Variants in INPP4B observed in about 807,000 individuals in gnomAD.
INPP4B encodes the protein inositol polyphosphate 4-phosphatase type II.
INPP4B carries 55 observed loss-of-function variants against 122.5 expected under a neutral mutation model. That is an observed-to-expected ratio of 0.45 (90% CI 0.36 to 0.56). The LOEUF is 0.56. Ranked by LOEUF, INPP4B falls within the 20% of genes least tolerant of loss-of-function variation. The pLI, the probability that INPP4B is intolerant of heterozygous loss-of-function variation, is 0.00. For synonymous variants in INPP4B, 403 were observed against 388.7 expected (o/e 1.04, Z -0.43); for missense variants, 1,000 against 1,097.7 (o/e 0.91, Z 1.26).
intron 11 of INPP4B, among the ~76,000 whole-genome samples, chr4:142,258,298 G>T (rs1737597000): frequency 6.6e-6 from 1 of 152,018 alleles, no homozygotes; most frequent in African/African-American, 2.4e-5. Context: ...CATGGGCAAG[G>T]ACTTCATGTC....
intron 22 of INPP4B, among the ~76,000 whole-genome samples, chr4:142,108,725 T>C (rs1224986097): frequency 6.6e-6 from 1 of 152,130 alleles, no homozygotes; most frequent in Non-Finnish European, 1.5e-5. Flanking sequence ...TTTTCGTTCA[T>C]ACCATGAAGT....
chr4:142,097,365 C>G (rs1324980141), intron 23 of INPP4B, among the ~76,000 whole-genome samples: 1 of 151,886 alleles, frequency 6.6e-6, no homozygotes, highest in Non-Finnish European at 1.5e-5. Context: ...AGCAATTATC[C>G]TGCCTCAGTC....
At position 142,112,590 on chromosome 4, in the gene INPP4B, G is replaced by A; in HGVS notation, c.2228C>T (p.Pro743Leu). The A allele has an allele frequency of 6.2e-7, 1 of 1,613,206 alleles. No individual in the cohort carries two copies. The highest frequency in any genetic ancestry group is 8.5e-7 in the Non-Finnish European group (1 of 1,179,458). ...ATTGATTCCAACATTAAAAAGTACT[G>A]GATACACATGAAGCAACTGTCCTTC... is the stretch of plus-strand genomic sequence containing the variant. The part of the protein sequence containing the change: ...IKEGQLLHVY[P>L]VLFNVGINEQ... Residue 743 changes from proline to leucine, a missense_variant, in exon 22 of 26, where the codon CCA (proline) becomes CTA (leucine). Coordinates refer to ENST00000262992, the MANE Select transcript of INPP4B (RefSeq NM_001101669.3).
At chr4:142,575,093 G>T (rs537570319) in intron 2 of INPP4B, among the ~76,000 whole-genome samples, 1 of 151,998 alleles carries the variant, frequency 6.6e-6, no homozygotes, top group African/African-American at 2.4e-5. Context: ...TATAAGGATC[G>T]AAAGAAGGAA....
At chr4:142,165,978 T>C (rs1822523886) in intron 16 of INPP4B, among the ~76,000 whole-genome samples, 1 of 151,726 alleles carries the variant, frequency 6.6e-6, no homozygotes, top group South Asian at 2.1e-4. Context: ...TAAATGATGC[T>C]GGGCAACTTT....
At chr4:142,686,728 T>C (rs1759401964) in intron 2 of INPP4B, among the ~76,000 whole-genome samples, 1 of 152,106 alleles carries the variant, frequency 6.6e-6, no homozygotes, top group Non-Finnish European at 1.5e-5. Context: ...GTTTTATCAG[T>C]TATAATATTT....
chr4:142,579,534 A>C (rs1033153133), intron 2 of INPP4B, among the ~76,000 whole-genome samples: 6 of 151,986 alleles, frequency 3.9e-5, no homozygotes, highest in Non-Finnish European at 8.8e-5. Context: ...TTAGTAAAGC[A>C]GATTGCCCTT....
At chr4:142,654,931 G>A (rs1753843105) in intron 2 of INPP4B, among the ~76,000 whole-genome samples, 1 of 151,934 alleles carries the variant, frequency 6.6e-6, no homozygotes, top group African/African-American at 2.4e-5. Flanking sequence ...CACCCATGGG[G>A]GATAAGATGT....
intron 2 of INPP4B, among the ~76,000 whole-genome samples, chr4:142,634,077 T>G (rs988688511): frequency 6.6e-6 from 1 of 151,896 alleles, no homozygotes; most frequent in Non-Finnish European, 1.5e-5. Flanking sequence ...GAGGGAGATA[T>G]TAGAAACACT....
chr4:142,070,050 C>G (rs1233654496), intron 25 of INPP4B, among the ~76,000 whole-genome samples: 1 of 152,160 alleles, frequency 6.6e-6, no homozygotes, highest in African/African-American at 2.4e-5. Context: ...GAATTTTAGA[C>G]CAATATCCCT....
At chr4:142,094,063 A>G (rs149438536) in intron 23 of INPP4B, among the ~76,000 whole-genome samples, 10 of 152,314 alleles carry the variant, frequency 6.6e-5, no homozygotes, top group African/African-American at 2.2e-4. Context: ...TTTTTTAAAG[A>G]CAGCATTCAT....
intron 2 of INPP4B, among the ~76,000 whole-genome samples, chr4:142,560,254 G>A (rs1483561390): frequency 6.6e-6 from 1 of 152,218 alleles, no homozygotes; most frequent in Non-Finnish European, 1.5e-5. Flanking sequence ...AAAAGGGTCA[G>A]CCTAGACATG....
At chr4:142,685,391 T>C (rs1419841138) in intron 2 of INPP4B, among the ~76,000 whole-genome samples, 1 of 152,090 alleles carries the variant, frequency 6.6e-6, no homozygotes, top group Non-Finnish European at 1.5e-5. Context: ...CAAAGACTAT[T>C]CAGTGGTGAA....
intron 2 of INPP4B, among the ~76,000 whole-genome samples, chr4:142,475,531 G>T (rs1819657552): frequency 6.6e-6 from 1 of 152,118 alleles, no homozygotes; most frequent in Non-Finnish European, 1.5e-5. Flanking sequence ...TCAGAATATG[G>T]ATTGGAATGA....
intron 2 of INPP4B, among the ~76,000 whole-genome samples, chr4:142,473,588 C>A (rs1256074754): frequency 6.6e-6 from 1 of 152,208 alleles, no homozygotes; most frequent in Non-Finnish European, 1.5e-5. Flanking sequence ...CCATCACCAG[C>A]ACAATAGCCC....
intron 3 of INPP4B, among the ~76,000 whole-genome samples, chr4:142,459,274 T>C (rs1394029080): frequency 7.4e-6 from 1 of 135,468 alleles, no homozygotes; most frequent in Non-Finnish European, 1.5e-5. Context: ...GGACAGTGCC[T>C]GAAAACAAAC....
intron 7 of INPP4B, among the ~76,000 whole-genome samples, chr4:142,351,534 T>G (rs1477883784): frequency 2.6e-5 from 4 of 151,994 alleles, no homozygotes; most frequent in Non-Finnish European, 5.9e-5. Context: ...AAGGGTAACA[T>G]TTTGTTAATC....
intron 12 of INPP4B, among the ~76,000 whole-genome samples, chr4:142,233,028 C>T (rs2149877721): frequency 6.6e-6 from 1 of 152,240 alleles, no homozygotes; most frequent in Middle Eastern, 3.4e-3. Context: ...GAAAGAAGCC[C>T]TCCTCATAAC....
At chr4:142,633,462 T>A (rs961496139) in intron 2 of INPP4B, among the ~76,000 whole-genome samples, 9 of 152,270 alleles carry the variant, frequency 5.9e-5, no homozygotes, top group Non-Finnish European at 1.0e-4. Flanking sequence ...CACTGGAATA[T>A]TTGCCAAAGC....
Sources: gnomAD v4.1 joint callset for allele counts (sites outside exome capture counted in the v4.1 genomes callset) on GRCh38, gnomAD v4.1.1 for gene constraint, MANE v1.5 for transcripts, NCBI Gene and HGNC (gene_info 2026-07-23, HGNC 2026-07-21) for gene names.